MTG1: variants seen among roughly 807,000 people sequenced by gnomAD.
The protein encoded by MTG1 is mitochondrial ribosome associated GTPase 1, also known as mitochondrial ribosome-associated GTPase 1.
A neutral mutation model predicts 39.5 loss-of-function variants in MTG1; 30 were observed. The ratio of observed to expected loss-of-function variants is 0.76; its 90% confidence interval spans 0.57 to 1.03. The LOEUF (loss-of-function observed/expected upper bound fraction) is 1.03, where lower values mean the gene tolerates loss of function less well. MTG1 is among the 50% of genes least tolerant of loss of function. The probability of loss-of-function intolerance (pLI) is 0.00; values close to 1 mark genes in which losing one functional copy is unlikely to be tolerated. For synonymous variants in MTG1, 217 were observed against 179.0 expected, an observed-to-expected ratio of 1.21 and a Z score of -1.69; for missense variants, 513 against 447.4, an observed-to-expected ratio of 1.15 and a Z score of -1.32.
rs7084737 is a variant in MTG1 at position 133,402,966 on chromosome 10, A to G, written c.752+193A>G. ...TCTGTGAAAGCAACACACAATCAAG[A>G]AAACGAGCGTTCCCGTCACCCCCAG... On this transcript the variant is annotated intron_variant, in intron 9 of 10. Coordinates refer to ENST00000317502, the MANE Select transcript of MTG1 (RefSeq NM_138384.4). This position sits in a 1 kb window ranked among gnomAD's most constrained non-coding sequence, Gnocchi z 4.7. 9,380 of 527,182 alleles carry G rather than the reference A, an allele frequency of 0.018. 635 individuals carry two copies. The highest frequency in any genetic ancestry group is 0.15 in the African/African-American group (7,844 of 52,214). 32.7% of individuals were successfully genotyped at this position (527,182 alleles called of 1,614,324 possible). A position where few individuals can be genotyped will look rare whatever the true frequency, so the allele number is the denominator to read the frequency against.
intron 1 of MTG1, chr10:133,394,907 AG>A (rs1163408976): frequency 1.0e-5 from 2 of 191,890 alleles, no homozygotes; most frequent in Non-Finnish European, 9.6e-6. Flanking sequence ...CTGGGGGCCG[AG>A]GGGGAAGAAG....
At chr10:133,417,154 G>C (rs550300367) in intron 9 of MTG1, among the ~76,000 whole-genome samples, 1 of 152,282 alleles carries the variant, frequency 6.6e-6, no homozygotes, top group Admixed American at 6.5e-5. Flanking sequence ...CTGATGGCCA[G>C]CAGCACATCA....
chr10:133,408,481 A>G (rs1850000748), intron 9 of MTG1, among the ~76,000 whole-genome samples: 1 of 152,194 alleles, frequency 6.6e-6, no homozygotes. Context: ...GGATTTCTGC[A>G]TCTGTGTTCA....
chr10:133,420,367 C>G lies in MTG1; in HGVS notation c.*202C>G, dbSNP rs1850212488. The G allele has an allele frequency of 3.7e-6, 2 of 545,550 alleles. No homozygotes were observed. The highest frequency in any genetic ancestry group is 6.2e-6 in the Non-Finnish European group (2 of 323,732). The allele number at this position is 545,550 out of a possible 1,614,324, so 33.8% of individuals were successfully genotyped here. ...CAGGTGGGAGTGGACACCAGGCTTC[C>G]CAGTGGACGTCCCTGAGCAGCTCCG... On this transcript the variant is annotated 3_prime_UTR_variant, in exon 11 of 11. Coordinates refer to ENST00000317502, the MANE Select transcript of MTG1 (RefSeq NM_138384.4).
intron 9 of MTG1, among the ~76,000 whole-genome samples, chr10:133,404,078 CTTTTT>C (rs34621367): frequency 7.2e-6 from 1 of 138,888 alleles, no homozygotes; most frequent in Non-Finnish European, 1.5e-5. Flanking sequence ...ATCCTTTTCC[CTTTTT>C]TTTTTTTTAA....
At position 133,401,873 on chromosome 10, in the gene MTG1, G is replaced by GC. The variant is rs956900984; in HGVS notation, c.574-270dup. 277 of 606,380 alleles carry GC rather than the reference G, an allele frequency of 4.6e-4. 3 individuals are homozygous for GC. Among genetic ancestry groups the GC allele is most frequent in the South Asian group, 3.7e-3 (187 of 51,074 alleles). 37.6% of individuals were successfully genotyped at this position (606,380 alleles called of 1,614,324 possible). On this transcript the variant is annotated intron_variant, in intron 7 of 10. Coordinates refer to ENST00000317502, the MANE Select transcript of MTG1 (RefSeq NM_138384.4). ...TGGTCAGGACAGACCTGAGTGTGGC[G>GC]CCCCCCGCCCCACCCTCCACTCCCT...
chr10:133,415,973 A>T (rs936146338), intron 9 of MTG1, among the ~76,000 whole-genome samples: 1 of 144,850 alleles, frequency 6.9e-6, no homozygotes, highest in African/African-American at 2.7e-5. Context: ...GGTGTCGGGC[A>T]GGCGGGTGTC....
At chr10:133,411,841 G>A (rs1850051847) in intron 9 of MTG1, among the ~76,000 whole-genome samples, 1 of 151,276 alleles carries the variant, frequency 6.6e-6, no homozygotes, top group Non-Finnish European at 1.5e-5. Context: ...AAATTTGTGA[G>A]TTGTTTTTCT....
intron 9 of MTG1, among the ~76,000 whole-genome samples, chr10:133,406,849 G>A (rs1237087432): frequency 6.6e-6 from 1 of 152,052 alleles, no homozygotes; most frequent in African/African-American, 2.4e-5. Context: ...ATTTTTAGTA[G>A]AGATGGGGTT....
Position 133,402,444 on chromosome 10 carries a change from C to T in MTG1, c.670+199C>T, listed in dbSNP as rs1849896474. 2.8e-6 allele frequency: 2 copies of T among 707,478 alleles called. No homozygotes were observed. The highest frequency in any genetic ancestry group is 5.4e-5 in the East Asian group (2 of 36,982). 43.8% of individuals were successfully genotyped at this position (707,478 alleles called of 1,614,324 possible). Reference sequence around the variant, plus strand: ...AGGCACTGGTCACCATTCCACCCTGCCCCATGAGTGGCCTTCCCTTTCCCC... The same window carrying T: ...AGGCACTGGTCACCATTCCACCCTGTCCCATGAGTGGCCTTCCCTTTCCCC... On this transcript the variant is annotated intron_variant, in intron 8 of 10. Coordinates refer to ENST00000317502, the MANE Select transcript of MTG1 (RefSeq NM_138384.4). This position sits in a 1 kb window ranked among gnomAD's most constrained non-coding sequence, Gnocchi z 4.7.
Position 133,402,730 on chromosome 10 carries a change from G to T in MTG1, c.709G>T (p.Ala237Ser), listed in dbSNP as rs1333935538. The T allele has an allele frequency of 3.7e-6, 6 of 1,608,644 alleles. No individual in the cohort carries two copies. Among genetic ancestry groups the T allele is most frequent in the Non-Finnish European group, 5.1e-6 (6 of 1,177,904 alleles). The change falls in exon 9 of 11, where the codon GCT (alanine) becomes TCT (serine). Residue 237 changes from alanine to serine, a missense_variant. Transcript: ENST00000317502. This position sits in a 1 kb window ranked among gnomAD's most constrained non-coding sequence, Gnocchi z 4.7. ...CCACCTGGTCGGGGAGGAGACCATG[G>T]CTGACTACCTGCTGTACACCCTCAA... ...LDHLVGEETM[A>S]DYLLYTLNKH...
chr10:133,418,107 G>A (rs1401248342), intron 9 of MTG1, among the ~76,000 whole-genome samples: 2 of 152,142 alleles, frequency 1.3e-5, no homozygotes. Flanking sequence ...GGGTTCAAGC[G>A]ATTCTCCCGC....
At chr10:133,395,551 C>T (rs1453377161) in intron 1 of MTG1, among the ~76,000 whole-genome samples, 162 bp from the exon 2 acceptor site, 1 of 152,212 alleles carries the variant, frequency 6.6e-6, no homozygotes, top group Non-Finnish European at 1.5e-5. Flanking sequence ...TTGGAGGAGG[C>T]GCTCAGCGGA....
chr10:133,405,256 T>C (rs1041736201), intron 9 of MTG1, among the ~76,000 whole-genome samples: 1 of 152,254 alleles, frequency 6.6e-6, no homozygotes. Context: ...TTTTAAACTT[T>C]TAATGCTAAG....
At chr10:133,412,744 T>C (rs1850065368) in intron 9 of MTG1, among the ~76,000 whole-genome samples, 3 of 152,214 alleles carry the variant, frequency 2.0e-5, no homozygotes, top group African/African-American at 7.2e-5. Context: ...CTTATTAATT[T>C]TATTGATTTT....
rs1010402924 is a variant in MTG1, at chr10:133,402,016, C to T, written c.574-133C>T. The T allele has an allele frequency of 2.7e-5, 25 of 930,578 alleles. No homozygotes were observed. Among genetic ancestry groups the T allele is most frequent in the East Asian group, 7.3e-5 (3 of 41,004 alleles). 57.6% of individuals were successfully genotyped at this position (930,578 alleles called of 1,614,324 possible). A position where few individuals can be genotyped will look rare whatever the true frequency, so the allele number is the denominator to read the frequency against. On this transcript the variant is annotated intron_variant, in intron 7 of 10. Coordinates refer to ENST00000317502, the MANE Select transcript of MTG1 (RefSeq NM_138384.4). The surrounding 1 kb of genome is among the most constrained non-coding windows in gnomAD (Gnocchi z 4.7). ...GAACCCTGGAGCTTGGTGAGAGTGA[C>T]GCTGCCATGGGGTTGGGTCCCTGAG...
chr10:133,397,740 A>G (rs1849807045), intron 3 of MTG1, among the ~76,000 whole-genome samples: 1 of 149,210 alleles, frequency 6.7e-6, no homozygotes, highest in Non-Finnish European at 1.5e-5. Context: ...GGCCTCCCAA[A>G]GTGCTGGTAT....
intron 10 of MTG1, among the ~76,000 whole-genome samples, 195 bp from the exon 11 acceptor site, chr10:133,419,831 T>C (rs903053287): frequency 1.3e-5 from 2 of 152,166 alleles, no homozygotes; most frequent in African/African-American, 4.8e-5. Context: ...GGTGGACACC[T>C]GCAGGCCTCA....
chr10:133,401,992 A>G (rs939589395), intron 7 of MTG1, 157 bp from the exon 8 acceptor site: 2 of 738,188 alleles, frequency 2.7e-6, no homozygotes, highest in African/African-American at 3.5e-5. Context: ...TCCTCTGGGG[A>G]ACCCTGGAGC....
Sources: gnomAD v4.1 joint callset for allele counts (sites outside exome capture counted in the v4.1 genomes callset) on GRCh38, gnomAD v4.1.1 for gene constraint, Gnocchi (gnomAD v3.1) non-coding constraint, MANE v1.5 for transcripts, NCBI Gene and HGNC (gene_info 2026-07-23, HGNC 2026-07-21) for gene names.